Variants in LCOR observed in about 807,000 individuals in gnomAD.
LCOR encodes ligand dependent nuclear receptor corepressor.
Under a neutral mutation model 64.4 loss-of-function variants are expected in LCOR, and 14 were observed. The observed-to-expected ratio is 0.22, with a 90% confidence interval of 0.14 to 0.34. The LOEUF is 0.34. Ranked by LOEUF, LCOR falls within the 10% of genes least tolerant of loss-of-function variation. LCOR has a pLI of 1.00. For missense variants in LCOR, 1,686 were observed against 1,765.3 expected (o/e 0.96, Z 0.80); for synonymous variants, 643 against 642.5 (o/e 1.00, Z -0.01).
At chr10:96,968,084 A>G (rs1847966822) in intron 7 of LCOR, among the ~76,000 whole-genome samples, 1 of 152,208 alleles carries the variant, frequency 6.6e-6, no homozygotes, top group Admixed American at 6.5e-5. Flanking sequence ...AAAAACATTA[A>G]AATTTACCAT....
intron 4 of LCOR, among the ~76,000 whole-genome samples, chr10:96,908,861 G>T (rs192402652): frequency 6.6e-6 from 1 of 151,920 alleles, no homozygotes; most frequent in Non-Finnish European, 1.5e-5. Flanking sequence ...GACTACAGGC[G>T]CCCGCCACCT....
intron 2 of LCOR, among the ~76,000 whole-genome samples, chr10:96,865,612 C>T (rs1454197690): frequency 2.0e-5 from 3 of 152,136 alleles, no homozygotes; most frequent in Admixed American, 1.3e-4. Context: ...CGGTGGCTCA[C>T]GCCTGTAATC....
At chr10:96,942,458 G>GGAGGGAGGGGGA (rs1847509239) in intron 4 of LCOR, among the ~76,000 whole-genome samples, 1 of 150,550 alleles carries the variant, frequency 6.6e-6, no homozygotes, top group African/African-American at 2.4e-5. Context: ...GAGAGGGAGA[G>GGAGGGAGGGGGA]GAGGGAGAGG....
chr10:96,887,557 C>T (rs1021714878), intron 2 of LCOR, among the ~76,000 whole-genome samples: 81 of 149,156 alleles, frequency 5.4e-4, no homozygotes, highest in African/African-American at 1.1e-3. Flanking sequence ...AGTGAGACTC[C>T]GTCTCAAAAA....
At chr10:96,923,076 A>G (rs1235186231) in intron 4 of LCOR, among the ~76,000 whole-genome samples, 1 of 152,254 alleles carries the variant, frequency 6.6e-6, no homozygotes, top group Non-Finnish European at 1.5e-5. Context: ...ATTGACCTTA[A>G]AGTGTATGGA....
chr10:96,954,805 A>T (rs758100808), intron 7 of LCOR: 52 of 488,542 alleles, frequency 1.1e-4, no homozygotes, highest in Non-Finnish European at 1.7e-4. Context: ...TGCTGAGACC[A>T]TTTTTTTTTT....
chr10:96,938,297 GAC>G (rs1847387999), intron 4 of LCOR, among the ~76,000 whole-genome samples: 5 of 152,250 alleles, frequency 3.3e-5, no homozygotes, highest in African/African-American at 1.2e-4. Context: ...TAGAGTAAGT[GAC>G]ACAGACCACA....
chr10:96,867,416 T>C (rs942302875), intron 2 of LCOR, among the ~76,000 whole-genome samples: 2 of 152,070 alleles, frequency 1.3e-5, no homozygotes, highest in African/African-American at 4.8e-5. Context: ...GGGCAACATA[T>C]GGAGATCTTG....
At chr10:96,900,019 A>C (rs963619468) in intron 2 of LCOR, among the ~76,000 whole-genome samples, 2 of 152,142 alleles carry the variant, frequency 1.3e-5, no homozygotes, top group Admixed American at 6.5e-5. Context: ...CATCACCACC[A>C]TCTAATTTTA....
intron 2 of LCOR, among the ~76,000 whole-genome samples, chr10:96,890,646 A>G (rs1459567774): frequency 6.6e-6 from 1 of 152,090 alleles, no homozygotes; most frequent in Non-Finnish European, 1.5e-5. Flanking sequence ...TTTTGATATT[A>G]GGGGAAAGCT....
intron 7 of LCOR, among the ~76,000 whole-genome samples, chr10:96,965,937 C>T (rs1052135952): frequency 4.6e-5 from 7 of 152,044 alleles, no homozygotes; most frequent in African/African-American, 1.7e-4. Flanking sequence ...TACAGTTTAG[C>T]ATCTCATAAA....
intron 2 of LCOR, among the ~76,000 whole-genome samples, chr10:96,839,832 G>A (rs1008237207): frequency 1.3e-5 from 2 of 151,902 alleles, no homozygotes; most frequent in Non-Finnish European, 2.9e-5. Flanking sequence ...ATTACAGGCG[G>A]GTGGCACCAT....
At chr10:96,971,682 G>A (rs928067780) in intron 7 of LCOR, among the ~76,000 whole-genome samples, 1 of 152,192 alleles carries the variant, frequency 6.6e-6, no homozygotes, top group Non-Finnish European at 1.5e-5. Context: ...GCTTTAGGAA[G>A]TTGGCAATTC....
intron 2 of LCOR, among the ~76,000 whole-genome samples, chr10:96,873,569 CACGTGTGTGTGTGTGTGT>C (rs1029339546): frequency 2.4e-5 from 2 of 83,440 alleles, no homozygotes; most frequent in African/African-American, 9.4e-5. Flanking sequence ...CACACACACA[CACGTGTGTGTGTGTGTGT>C]GTGTGTGTGT....
chr10:96,858,303 C>A (rs1240427412), intron 2 of LCOR, among the ~76,000 whole-genome samples: 1 of 152,118 alleles, frequency 6.6e-6, no homozygotes, highest in Non-Finnish European at 1.5e-5. Context: ...GCATGTTACT[C>A]TGAGGTTTCT....
Position 96,991,019 on chromosome 10 carries a change from A to G in LCOR, c.*5885A>G, listed in dbSNP as rs1303432444. ...ATTTTTTACCCTTTTTTAAAGGGTT[A>G]TGTAAAAAAAAAAAAAAAAAAAAAA... is the stretch of plus-strand genomic sequence containing the variant. On this transcript the variant is annotated 3_prime_UTR_variant, in exon 8 of 8. Transcript: ENST00000421806. 2 of 129,190 alleles carry G rather than the reference A, an allele frequency of 1.5e-5. No homozygotes were observed. The highest frequency in any genetic ancestry group is 5.8e-5 in the African/African-American group (2 of 34,386). The allele number at this position is 129,190 out of a possible 1,614,324, so 8.0% of individuals were successfully genotyped here.
At chr10:96,941,419 C>T (rs28399929) in intron 4 of LCOR, among the ~76,000 whole-genome samples, 130 of 134,576 alleles carry the variant, frequency 9.7e-4, no homozygotes, top group African/African-American at 2.8e-3. Context: ...GGGGCTGACC[C>T]CCCACCTCCC....
chr10:96,920,478 ATG>A (rs1564626081), intron 4 of LCOR, among the ~76,000 whole-genome samples: 11 of 145,246 alleles, frequency 7.6e-5, no homozygotes, highest in African/African-American at 2.3e-4. Flanking sequence ...GTGTATATAT[ATG>A]TATATTCATA....
chr10:96,878,568 T>G (rs1181165655), intron 2 of LCOR, among the ~76,000 whole-genome samples: 1 of 152,112 alleles, frequency 6.6e-6, no homozygotes, highest in Non-Finnish European at 1.5e-5. Flanking sequence ...GGAGACTGGG[T>G]GGCACAGGTT....
Sources: gnomAD v4.1 joint callset for allele counts (sites outside exome capture counted in the v4.1 genomes callset) on GRCh38, gnomAD v4.1.1 for gene constraint, MANE v1.5 for transcripts, NCBI Gene and HGNC (gene_info 2026-07-23, HGNC 2026-07-21) for gene names.